AGK: variants seen among roughly 807,000 people sequenced by gnomAD.
The protein encoded by AGK is acylglycerol kinase, mitochondrial.
Under a neutral mutation model 66.4 loss-of-function variants are expected in AGK, and 52 were observed. The ratio of observed to expected loss-of-function variants is 0.78; its 90% CI spans 0.63 to 0.99. The LOEUF is 0.99. Ranked by LOEUF, AGK falls within the 50% of genes least tolerant of loss-of-function variation. AGK has a pLI of 0.00. For missense variants in AGK, 451 were observed against 506.6 expected (o/e 0.89, Z 1.05); for synonymous variants, 182 against 181.1 (o/e 1.00, Z -0.04).
At chr7:141,560,156 C>T (rs1246389909) in intron 2 of AGK, among the ~76,000 whole-genome samples, 1 of 151,996 alleles carries the variant, frequency 6.6e-6, no homozygotes, top group African/African-American at 2.4e-5. Context: ...TGTCTTATTC[C>T]TGATCTTAGA....
chr7:141,596,744 G>C, intron 4 of AGK, 103 bp downstream of exon 4: 1 of 936,326 alleles, frequency 1.1e-6, no homozygotes, highest in Non-Finnish European at 1.7e-6. Flanking sequence ...GGAAGAACTA[G>C]GTTTAGTACT....
chr7:141,562,872 C>T lies in AGK; in HGVS notation c.101+7305C>T, dbSNP rs1467459118. ...TGCAAGATATAGTCAGGGATGGCAT[C>T]TTTGGGCTTGAGCTGGAGACTGTGT... On this transcript the variant is annotated intron_variant, in intron 2 of 15. Transcript: ENST00000649286. 2.6e-5 allele frequency among the ~76,000 whole-genome samples: 4 copies of T among 152,236 alleles called. No individual in the cohort carries two copies. In the South Asian group the frequency reaches 6.2e-4, roughly 24 times the overall value.
intron 11 of AGK, among the ~76,000 whole-genome samples, chr7:141,640,763 G>C (rs929689290): frequency 6.6e-6 from 1 of 152,146 alleles, no homozygotes; most frequent in Non-Finnish European, 1.5e-5. Flanking sequence ...AAAAAAATTA[G>C]AGTGTGAGGG....
chr7:141,575,057 C>T (rs956568258), intron 2 of AGK, among the ~76,000 whole-genome samples: 8 of 151,986 alleles, frequency 5.3e-5, no homozygotes, highest in African/African-American at 1.9e-4. Flanking sequence ...TTTCCTAAAC[C>T]CACTTGCAGG....
intron 2 of AGK, among the ~76,000 whole-genome samples, chr7:141,577,915 C>G (rs911462466): frequency 6.6e-6 from 1 of 151,420 alleles, no homozygotes; most frequent in Non-Finnish European, 1.5e-5. Flanking sequence ...CAGGTTCAAG[C>G]AATTCTCCTG....
At chr7:141,648,362 G>A (rs945285380) in intron 13 of AGK, among the ~76,000 whole-genome samples, 8 of 152,184 alleles carry the variant, frequency 5.3e-5, no homozygotes, top group African/African-American at 7.2e-5. Flanking sequence ...CCCAAGCTCC[G>A]TGGGTTCATG....
At chr7:141,589,333 CTA>C (rs1314708744) in intron 2 of AGK, among the ~76,000 whole-genome samples, 4 of 152,296 alleles carry the variant, frequency 2.6e-5, no homozygotes, top group African/African-American at 9.6e-5. Flanking sequence ...GGTAGTTGCT[CTA>C]TGAATTTTAA....
intron 5 of AGK, among the ~76,000 whole-genome samples, chr7:141,604,563 T>G (rs943997689): frequency 1.3e-5 from 2 of 150,824 alleles, no homozygotes; most frequent in Non-Finnish European, 3.0e-5. Flanking sequence ...TTAACATTGA[T>G]GTACTATTAT....
At chr7:141,577,813 A>G (rs1795781166) in intron 2 of AGK, among the ~76,000 whole-genome samples, 1 of 145,086 alleles carries the variant, frequency 6.9e-6, no homozygotes, top group Non-Finnish European at 1.5e-5. Context: ...CCCAACATAA[A>G]TCTTCTTTTT....
chr7:141,582,942 A>G (rs1343588210), intron 2 of AGK, among the ~76,000 whole-genome samples: 1 of 151,784 alleles, frequency 6.6e-6, no homozygotes, highest in Admixed American at 6.6e-5. Context: ...AGACTCAGCA[A>G]TACTTGGGGT....
At chr7:141,557,366 G>A (rs191068082) in intron 2 of AGK, among the ~76,000 whole-genome samples, 100 of 152,278 alleles carry the variant, frequency 6.6e-4, no homozygotes, top group African/African-American at 2.1e-3. Flanking sequence ...AGGGTGGAGC[G>A]GATATTTTAA....
At chr7:141,581,638 T>A (rs976722677) in intron 2 of AGK, among the ~76,000 whole-genome samples, 8 of 151,666 alleles carry the variant, frequency 5.3e-5, no homozygotes, top group Admixed American at 3.3e-4. Flanking sequence ...GATCAGTTGC[T>A]AAGGAGGAAG....
chr7:141,608,132 G>C (rs1796503445), intron 5 of AGK, among the ~76,000 whole-genome samples: 2 of 152,066 alleles, frequency 1.3e-5, no homozygotes, highest in South Asian at 4.1e-4. Flanking sequence ...TTCATTTCAA[G>C]GTTTGAAAGC....
chr7:141,590,484 T>TGCA (rs1255243836), intron 2 of AGK, among the ~76,000 whole-genome samples: 6 of 152,118 alleles, frequency 3.9e-5, no homozygotes, highest in Non-Finnish European at 7.4e-5. Context: ...GGCTGGAAGC[T>TGCA]GCGTTCCCAG....
At chr7:141,575,654 CTTTTTTT>C (rs58292692) in intron 2 of AGK, among the ~76,000 whole-genome samples, 9 of 58,250 alleles carry the variant, frequency 1.5e-4, no homozygotes, top group South Asian at 1.2e-3. Flanking sequence ...TTACAAAGGC[CTTTTTTT>C]TTTTTTTTTT....
At chr7:141,569,518 A>G (rs1160972958) in intron 2 of AGK, among the ~76,000 whole-genome samples, 1 of 152,190 alleles carries the variant, frequency 6.6e-6, no homozygotes, top group African/African-American at 2.4e-5. Flanking sequence ...TGGGCAACAG[A>G]GCAGGACTCT....
intron 14 of AGK, among the ~76,000 whole-genome samples, chr7:141,649,659 C>G (rs535789036): frequency 6.6e-6 from 1 of 152,356 alleles, no homozygotes; most frequent in African/African-American, 2.4e-5. Context: ...TGCCACTTAC[C>G]CGACGTCATG....
chr7:141,570,061 G>A lies in AGK; in HGVS notation c.101+14494G>A, dbSNP rs74376672. On this transcript the variant is annotated intron_variant, in intron 2 of 15. Transcript: ENST00000649286. The stretch of plus-strand genomic sequence containing the variant: ...CAATATGTCACAATATTATCGTGAT[G>A]CTAATCACTGCTCCTGGCACATATT... 2.1e-4 allele frequency among the ~76,000 whole-genome samples: 32 copies of A among 152,214 alleles called. 1 individual carries two copies. In the East Asian group the frequency reaches 6.2e-3, roughly 29 times the overall value.
intron 9 of AGK, among the ~76,000 whole-genome samples, chr7:141,632,443 T>C (rs145067538): frequency 0.011 from 1,750 of 152,300 alleles, 35 homozygotes; most frequent in African/African-American, 0.04. Flanking sequence ...TATGGGTTCA[T>C]GTGTGAATTC....
Sources: gnomAD v4.1 joint callset for allele counts (sites outside exome capture counted in the v4.1 genomes callset) on GRCh38, gnomAD v4.1.1 for gene constraint, MANE v1.5 for transcripts, NCBI Gene and HGNC (gene_info 2026-07-23, HGNC 2026-07-21) for gene names.